UBFD1: variants seen among roughly 807,000 people sequenced by gnomAD.
UBFD1 encodes the protein ubiquitin domain-containing protein UBFD1.
Under a neutral mutation model 35.1 loss-of-function variants are expected in UBFD1, and 12 were observed. The observed-to-expected ratio is 0.34, with a 90% CI of 0.22 to 0.55. The LOEUF is 0.55. UBFD1 is among the 20% of genes least tolerant of loss of function. The pLI, the probability that UBFD1 is intolerant of heterozygous loss-of-function variation, is 0.89. For synonymous variants in UBFD1, 178 were observed against 167.6 expected, an observed-to-expected ratio of 1.06 and a Z score of -0.48; for missense variants, 337 against 410.8, an observed-to-expected ratio of 0.82 and a Z score of 1.55.
chr16:23,567,809 G>A (rs1346650240), intron 6 of UBFD1, among the ~76,000 whole-genome samples: 5 of 152,254 alleles, frequency 3.3e-5, no homozygotes, highest in Admixed American at 6.5e-5. Context: ...CGGGGCCTCC[G>A]GCCATTGTTC....
At chr16:23,559,798 T>A in intron 3 of UBFD1, 122 bp downstream of exon 3, 2 of 1,549,180 alleles carry the variant, frequency 1.3e-6, no homozygotes, top group Non-Finnish European at 8.7e-7. Context: ...TGGAAATTTA[T>A]GGCAGCAGTT....
chr16:23,563,848 G>T (rs1288700198), intron 5 of UBFD1, among the ~76,000 whole-genome samples: 3 of 152,158 alleles, frequency 2.0e-5, no homozygotes, highest in African/African-American at 7.2e-5. Flanking sequence ...CCCTTACCTG[G>T]AATGCCTTTT....
At chr16:23,559,701 T>C in intron 3 of UBFD1, 25 bp downstream of exon 3, 4 of 1,613,820 alleles carry the variant, frequency 2.5e-6, no homozygotes, top group Non-Finnish European at 3.4e-6. Flanking sequence ...TGCTTCTTGG[T>C]CTTGAGAAAT....
intron 3 of UBFD1, among the ~76,000 whole-genome samples, chr16:23,560,388 G>C (rs1180925423): frequency 6.6e-6 from 1 of 152,176 alleles, no homozygotes; most frequent in Non-Finnish European, 1.5e-5. Context: ...AAATTATACT[G>C]ATTGCTGTGT....
At chr16:23,565,652 C>T (rs1965999392) in intron 5 of UBFD1, 1 of 152,194 alleles carries the variant, frequency 6.6e-6, no homozygotes, top group Non-Finnish European at 1.5e-5. Flanking sequence ...CTCCCCAGCC[C>T]CCATTTTTCA....
At chr16:23,565,963 GCTCACTCCCGGCAGTCTCAT>G (rs1966004986) in intron 5 of UBFD1, 2 of 151,636 alleles carry the variant, frequency 1.3e-5, no homozygotes, top group African/African-American at 4.9e-5. Flanking sequence ...GCTTCACTTG[GCTCACTCCCGGCAGTCTCAT>G]CTCACTCCAG....
At position 23,573,897 on chromosome 16, in the gene UBFD1, G is replaced by A. The variant is rs1445905304; in HGVS notation, c.*3307G>A. 1 of 152,390 alleles carries A rather than the reference G, an allele frequency of 6.6e-6. No homozygotes were observed. Among genetic ancestry groups the A allele is most frequent in the African/African-American group, 2.4e-5 (1 of 41,468 alleles). 9.4% of individuals were successfully genotyped at this position (152,390 alleles called of 1,614,324 possible). A position where few individuals can be genotyped will look rare whatever the true frequency, so the allele number is the denominator to read the frequency against. On this transcript the variant is annotated 3_prime_UTR_variant, in exon 7 of 7. Transcript: ENST00000395878. ...GGGCAGGCTTGCTTTCCACCCATCT[G>A]CTGAGGGAGCCCTCTCCTCTCGCTC... is the stretch of plus-strand genomic sequence containing the variant.
At chr16:23,569,344 A>C (rs1966053023) in intron 6 of UBFD1, 1 of 152,198 alleles carries the variant, frequency 6.6e-6, no homozygotes, top group African/African-American at 2.4e-5. Flanking sequence ...ACTTGAGGTC[A>C]GGAGTTTAAG....
intron 5 of UBFD1, among the ~76,000 whole-genome samples, chr16:23,563,682 C>T (rs1019624899): frequency 1.3e-5 from 2 of 152,204 alleles, no homozygotes; most frequent in African/African-American, 4.8e-5. Flanking sequence ...AAATGCCTAA[C>T]CATAGCGTTC....
chr16:23,562,134 C>G (rs1383410516), intron 3 of UBFD1, 72 bp from the exon 4 acceptor site: 2 of 1,404,922 alleles, frequency 1.4e-6, no homozygotes, highest in South Asian at 1.2e-5. Flanking sequence ...TCTTCATCCT[C>G]TCTTTCAAGG....
chr16:23,570,623 C>G lies in UBFD1; in HGVS notation c.*33C>G. ...TTCACCTCTGGCCCAGGAGACTGAC[C>G]CAAAGTGAAGGACATTGCCGGGAGA... On this transcript the variant is annotated 3_prime_UTR_variant, in exon 7 of 7. Transcript: ENST00000395878. 1 of 1,568,872 alleles carries G rather than the reference C, an allele frequency of 6.4e-7. No individual in the cohort carries two copies. Among genetic ancestry groups the G allele is most frequent in the Non-Finnish European group, 8.8e-7 (1 of 1,139,690 alleles).
chr16:23,566,917 G>T, intron 5 of UBFD1, 70 bp from the exon 6 acceptor site: 1 of 1,470,534 alleles, frequency 6.8e-7, no homozygotes, highest in South Asian at 1.2e-5. Flanking sequence ...CCCTGATGAG[G>T]GACTGCTGAG....
chr16:23,559,407 G>A (rs770862634), intron 2 of UBFD1, 61 bp from the exon 3 acceptor site: 4 of 1,458,524 alleles, frequency 2.7e-6, no homozygotes, highest in Non-Finnish European at 3.8e-6. Flanking sequence ...GAGCTGTGTA[G>A]TATCCATACA....
Position 23,562,207 on chromosome 16 carries a change from A to G in UBFD1, c.566A>G (p.Gln189Arg). The G allele has an allele frequency of 1.9e-6, 3 of 1,613,876 alleles. No individual in the cohort carries two copies. The highest frequency in any genetic ancestry group is 2.5e-6 in the Non-Finnish European group (3 of 1,179,868). The change falls in exon 4 of 7, where the codon CAA becomes CGA. Residue 189 changes from glutamine to arginine, a missense_variant and splice_region_variant. Transcript: ENST00000395878. ...NKKEPLCRQK[Q>R]HRKVLDKGKP... ...TTCATTCTCTCTTCTGACTTATAGC[A>G]ACACAGGAAAGTGTTGGATAAAGGA...
At chr16:23,569,597 G>A (rs1329036817) in intron 6 of UBFD1, 1 of 152,082 alleles carries the variant, frequency 6.6e-6, no homozygotes, top group African/African-American at 2.4e-5. Context: ...GAGAATAACT[G>A]TCACAAACCC....
At chr16:23,567,270 C>A (rs569264778) in intron 6 of UBFD1, among the ~76,000 whole-genome samples, 2 of 152,268 alleles carry the variant, frequency 1.3e-5, no homozygotes, top group South Asian at 2.1e-4. Context: ...TACACCCCCC[C>A]ACACACACCT....
At position 23,570,773 on chromosome 16, in the gene UBFD1, C is replaced by G; in HGVS notation, c.*183C>G. 2.0e-6 allele frequency: 1 copy of G among 490,662 alleles called. No homozygotes were observed. Among genetic ancestry groups the G allele is most frequent in the Non-Finnish European group, 3.6e-6 (1 of 277,288 alleles). The allele number at this position is 490,662 out of a possible 1,614,324, so 30.4% of individuals were successfully genotyped here. On this transcript the variant is annotated 3_prime_UTR_variant, in exon 7 of 7. Transcript: ENST00000395878. ...ACTTTCACCATTAGCTTAATTTTAA[C>G]TTAAAATTACCAGTTCCCTTTCTTG...
At chr16:23,565,855 C>T (rs4968020) in intron 5 of UBFD1, 28 of 140,900 alleles carry the variant, frequency 2.0e-4, no homozygotes, top group African/African-American at 7.0e-4. Context: ...CCCTGCCCCC[C>T]TCCCCCTGCG....
chr16:23,560,276 C>T (rs1355060253), intron 3 of UBFD1, among the ~76,000 whole-genome samples: 1 of 152,188 alleles, frequency 6.6e-6, no homozygotes, highest in Non-Finnish European at 1.5e-5. Flanking sequence ...TTGTGCTCAT[C>T]ATAGCCATTA....
Sources: allele counts gnomAD v4.1 joint callset (sites outside exome capture counted in the v4.1 genomes callset), GRCh38; gene constraint gnomAD v4.1.1; transcripts MANE v1.5; gene names NCBI Gene and HGNC (gene_info 2026-07-23, HGNC 2026-07-21).